The following MYO18A variants were observed in gnomAD, a reference collection of about 807,000 sequenced individuals.
The protein encoded by MYO18A is myosin XVIIIA.
A neutral mutation model predicts 235.8 loss-of-function variants in MYO18A; 78 were observed. The observed-to-expected ratio is 0.33, with a 90% CI of 0.28 to 0.40. MYO18A has a LOEUF of 0.40. Ranked by LOEUF, MYO18A falls within the 10% of genes least tolerant of loss-of-function variation. The pLI is 1.00. For missense variants in MYO18A, 2,215 were observed against 2,699.3 expected (o/e 0.82, Z 3.98); for synonymous variants, 977 against 1,077.8 (o/e 0.91, Z 1.83).
intron 1 of MYO18A, among the ~76,000 whole-genome samples, chr17:29,173,178 C>A (rs1211567733): frequency 4.0e-5 from 6 of 151,694 alleles, no homozygotes; most frequent in Admixed American, 6.6e-5. Flanking sequence ...CACTGCAATC[C>A]GCCTCCCGGG....
At chr17:29,172,338 G>A (rs1308159230) in intron 1 of MYO18A, among the ~76,000 whole-genome samples, 2 of 151,934 alleles carry the variant, frequency 1.3e-5, no homozygotes, top group Non-Finnish European at 2.9e-5. Flanking sequence ...GGTGGCATGC[G>A]CCTGTAATCC....
Position 29,156,052 on chromosome 17 carries a change from C to G in MYO18A, c.999+9890G>C, listed in dbSNP as rs535016985. On this transcript the variant is annotated intron_variant, in intron 2 of 41. Transcript: ENST00000527372. ...CAGAGCAACTGGGGCTGCCTTAGCA[C>G]CCACTCTCTCCTCCCTGGTAGGGAC... 8.5e-5 allele frequency among the ~76,000 whole-genome samples: 13 copies of G among 152,304 alleles called. No individual in the cohort carries two copies. The South Asian group carries it at 2.5e-3, about 29-fold the overall frequency.
Position 29,121,348 on chromosome 17 carries a change from T to G in MYO18A, c.1372-137A>C. 1 of 1,139,572 alleles carries G rather than the reference T, an allele frequency of 8.8e-7. No individual in the cohort carries two copies. Among genetic ancestry groups the G allele is most frequent in the Non-Finnish European group, 1.2e-6 (1 of 802,368 alleles). The allele number at this position is 1,139,572 out of a possible 1,614,324, so 70.6% of individuals were successfully genotyped here. On this transcript the variant is annotated intron_variant, in intron 5 of 41. Coordinates refer to ENST00000527372, the MANE Select transcript of MYO18A (RefSeq NM_078471.4). This position sits in a 1 kb window ranked among gnomAD's most constrained non-coding sequence, Gnocchi z 4.2. ...GGGATTCCAAGGCCAAGGCCATGCA[T>G]GGAAATGAAGACACTAAGTCCTGGA...
rs549599099 is a variant in MYO18A, at chr17:29,140,089, A to C, written c.1000-17836T>G. On this transcript the variant is annotated intron_variant, in intron 2 of 41. Coordinates refer to ENST00000527372, the MANE Select transcript of MYO18A (RefSeq NM_078471.4). This position sits in a 1 kb window ranked among gnomAD's most constrained non-coding sequence, Gnocchi z 4.2. ...GTTCAGAAGACAGTGCCCCTCCAAA[A>C]CTCCTGAAGTCATGAGTCAGGCCCA... Among the ~76,000 whole-genome samples the C allele has an allele frequency of 8.4e-4, 127 of 152,002 alleles. No homozygotes were observed. The highest frequency in any genetic ancestry group is 6.8e-3 in the Middle Eastern group (2 of 294).
intron 2 of MYO18A, among the ~76,000 whole-genome samples, chr17:29,148,725 A>C (rs902994004): frequency 1.3e-5 from 2 of 152,078 alleles, no homozygotes; most frequent in African/African-American, 2.4e-5. Context: ...TAGCCAGTGG[A>C]TTCTGAAGGG....
At chr17:29,080,728 C>A (rs866379622) in intron 41 of MYO18A, 2 of 985,436 alleles carry the variant, frequency 2.0e-6, no homozygotes, top group East Asian at 2.3e-4. Flanking sequence ...CTGCGGCCCC[C>A]GGCCAGCGCG....
chr17:29,152,734 T>C (rs2067985813), intron 2 of MYO18A, among the ~76,000 whole-genome samples: 1 of 152,150 alleles, frequency 6.6e-6, no homozygotes, highest in South Asian at 2.1e-4. Context: ...CTTCTTCTTT[T>C]TTTTTTAAAC....
Position 29,092,328 on chromosome 17 carries a change from ACCTTGGCC to A in MYO18A, c.5187+7_5187+14del. The A allele has an allele frequency of 6.2e-7, 1 of 1,600,394 alleles. No individual in the cohort carries two copies. The highest frequency in any genetic ancestry group is 8.5e-7 in the Non-Finnish European group (1 of 1,173,882). On this transcript the variant is annotated splice_region_variant and intron_variant, in intron 34 of 41. Transcript: ENST00000527372. ...CAGCCCCCCGAGCTCTGCCCCGGGC[ACCTTGGCC>A]CCTCACCGCTGTCTTGGCTTTGGCG...
chr17:29,163,527 G>A (rs1241067165), intron 2 of MYO18A, among the ~76,000 whole-genome samples: 2 of 152,238 alleles, frequency 1.3e-5, no homozygotes, highest in Admixed American at 1.3e-4. Flanking sequence ...CTGGGCACCA[G>A]CTGGGCTTAC....
chr17:29,092,434 C>G lies in MYO18A; in HGVS notation c.5096G>C (p.Cys1699Ser). The change falls in exon 34 of 42, where the codon TGT becomes TCT. Residue 1699 changes from cysteine (C) to serine (S), a missense_variant. Transcript: ENST00000527372. ...KNQLEESEFT[C>S]AAAVKARKAM... Reference sequence around the variant, plus strand: ...TTTCCGTGCTTTCACGGCTGCCGCACAGGTGAACTCTGACTCCTCCAGCTG... The same window carrying G: ...TTTCCGTGCTTTCACGGCTGCCGCAGAGGTGAACTCTGACTCCTCCAGCTG... 1.2e-6 allele frequency: 2 copies of G among 1,612,084 alleles called. No homozygotes were observed. The highest frequency in any genetic ancestry group is 1.7e-6 in the Non-Finnish European group (2 of 1,179,758).
chr17:29,086,798 T>C (rs866863521), intron 38 of MYO18A, 138 bp downstream of exon 38: 3 of 1,196,532 alleles, frequency 2.5e-6, no homozygotes, highest in Non-Finnish European at 3.4e-6. Flanking sequence ...CCTCTTGATA[T>C]GCTCCTCCTC....
intron 35 of MYO18A, 79 bp downstream of exon 35, chr17:29,090,731 G>A (rs1001083420): frequency 6.6e-5 from 100 of 1,524,242 alleles, no homozygotes; most frequent in Admixed American, 1.0e-4. Context: ...CAAAACAAGC[G>A]GTTGTGCGGG....
Position 29,130,339 on chromosome 17 carries a change from A to T in MYO18A, c.1000-8086T>A, listed in dbSNP as rs558071349. The stretch of plus-strand genomic sequence containing the variant: ...AAAAAAAAAAGAAAAGAAAATGATG[A>T]CAATGATGATGATAGTAATTGGTAA... On this transcript the variant is annotated intron_variant, in intron 2 of 41. Coordinates refer to ENST00000527372, the MANE Select transcript of MYO18A (RefSeq NM_078471.4). 1.6e-3 allele frequency among the ~76,000 whole-genome samples: 247 copies of T among 150,560 alleles called. 2 individuals carry two copies. Among genetic ancestry groups the T allele is most frequent in the African/African-American group, 5.8e-3 (237 of 41,068 alleles).
In MYO18A at chr17:29,086,575, C is replaced by T; in HGVS notation, c.5715G>A (p.Glu1905=). ...AEASRKKHEL[E]MDLESLEAAN... is the part of the protein sequence containing the mutation. ...CAGCCTCCAGGCTTTCTAGATCCAT[C>T]TCCTAGGAGGAAGGGGGCAGCCCAG... Residue 1905 remains glutamate (E), a splice_region_variant and synonymous_variant, in exon 39 of 42, where the codon GAG becomes GAA. Coordinates refer to ENST00000527372, the MANE Select transcript of MYO18A (RefSeq NM_078471.4). 6.2e-7 allele frequency: 1 copy of T among 1,613,118 alleles called. No individual in the cohort carries two copies. The highest frequency in any genetic ancestry group is 1.3e-5 in the African/African-American group (1 of 75,044).
intron 19 of MYO18A, among the ~76,000 whole-genome samples, chr17:29,108,520 T>C (rs2066847823): frequency 6.6e-6 from 1 of 152,236 alleles, no homozygotes; most frequent in African/African-American, 2.4e-5. Context: ...GAGGAGCGAC[T>C]GTCTTGCTCA....
rs2067024139 is a variant in MYO18A, at chr17:29,115,068, A to T, written c.2350T>A (p.Ser784Thr). The change falls in exon 14 of 42, where the codon TCC (serine) becomes ACC (threonine). Residue 784 changes from serine (S) to threonine (T), a missense_variant. Physicochemically the swap from Ser to Thr is moderately conservative, Grantham distance 58 (BLOSUM62 1). Transcript: ENST00000527372. ...CCCGGGGTGTCGACAATCATCATGG[A>T]GCAGAGTGAGTGCTGGCTGGACTTG... ...ALKSSQHSLC[S>T]MMIVDTPGFQ... 1 of 1,613,754 alleles carries T rather than the reference A, an allele frequency of 6.2e-7. No individual in the cohort carries two copies.
At position 29,087,124 on chromosome 17, in the gene MYO18A, G is replaced by A; in HGVS notation, c.5527-3C>T. On this transcript the variant is annotated splice_polypyrimidine_tract_variant and splice_region_variant and intron_variant, in intron 37 of 41. Coordinates refer to ENST00000527372, the MANE Select transcript of MYO18A (RefSeq NM_078471.4). ...TCCTTGAGACGGCTAGCCAGGCTCT[G>A]GATAGGTAGGTGGGGAAGAAAGACA... The A allele has an allele frequency of 6.2e-7, 1 of 1,611,554 alleles. No individual in the cohort carries two copies.
At chr17:29,173,545 G>C (rs536379762) in intron 1 of MYO18A, among the ~76,000 whole-genome samples, 503 of 151,098 alleles carry the variant, frequency 3.3e-3, no homozygotes, top group Non-Finnish European at 5.9e-3. Flanking sequence ...CCGCCACCGC[G>C]CCTGGCTAAT....
At chr17:29,133,489 G>T (rs1006136866) in intron 2 of MYO18A, among the ~76,000 whole-genome samples, 5 of 152,198 alleles carry the variant, frequency 3.3e-5, no homozygotes, top group Non-Finnish European at 5.9e-5. Flanking sequence ...CCAGGGGTGA[G>T]TCAAGGCAGC....
Sources: allele counts gnomAD v4.1 joint callset (sites outside exome capture counted in the v4.1 genomes callset), GRCh38; gene constraint gnomAD v4.1.1; non-coding constraint Gnocchi (gnomAD v3.1); transcripts MANE v1.5; gene names NCBI Gene and HGNC (gene_info 2026-07-23, HGNC 2026-07-21).